Variants in DDRGK1 observed in about 807,000 individuals in gnomAD.
DDRGK1 encodes the protein DDRGK domain-containing protein 1.
DDRGK1 carries 38 observed loss-of-function variants against 45.8 expected under a neutral mutation model. That is an observed-to-expected ratio of 0.83 (90% CI 0.64 to 1.09). The LOEUF is 1.09. Among genes scored for constraint, DDRGK1 ranks in the 50% least tolerant of loss-of-function variants. The pLI is 0.00. For synonymous variants in DDRGK1, 171 were observed against 168.7 expected (o/e 1.01, Z -0.11); for missense variants, 403 against 419.9 (o/e 0.96, Z 0.35).
intron 3 of DDRGK1, 51 bp from the exon 4 acceptor site, chr20:3,200,153 G>T: frequency 6.3e-7 from 1 of 1,584,344 alleles, no homozygotes; most frequent in Non-Finnish European, 8.6e-7. Flanking sequence ...GCTAGAGTGT[G>T]CCCACCGCCC....
rs775023575 is a variant in DDRGK1, at chr20:3,190,395, A to C, written c.*258T>G. 4.3e-6 allele frequency: 2 copies of C among 469,756 alleles called. No individual in the cohort carries two copies. Among genetic ancestry groups the C allele is most frequent in the Admixed American group, 3.7e-5 (1 of 27,042 alleles). The allele number at this position is 469,756 out of a possible 1,614,324, so 29.1% of individuals were successfully genotyped here. ...TTCTTGAATGAATGGATTCATAATA[A>C]GAACAGGACTTCACCAGCTTCCAAG... On this transcript the variant is annotated 3_prime_UTR_variant, in exon 9 of 9. Coordinates refer to ENST00000354488, the MANE Select transcript of DDRGK1 (RefSeq NM_023935.3).
chr20:3,191,892 A>T, intron 6 of DDRGK1, 71 bp from the exon 7 acceptor site: 1 of 1,490,478 alleles, frequency 6.7e-7, no homozygotes, highest in Non-Finnish European at 9.1e-7. Context: ...GGCACCCTCC[A>T]GGTTTGCATT....
intron 4 of DDRGK1, among the ~76,000 whole-genome samples, chr20:3,199,716 T>C (rs559462120): frequency 1.3e-5 from 2 of 152,166 alleles, no homozygotes; most frequent in Non-Finnish European, 2.9e-5. Flanking sequence ...CATCTTCTCC[T>C]CCTCTCCTGG....
chr20:3,195,422 C>A, intron 4 of DDRGK1, 69 bp from the exon 5 acceptor site: 1 of 1,516,628 alleles, frequency 6.6e-7, no homozygotes, highest in Non-Finnish European at 8.8e-7. Flanking sequence ...CTGGTTGCTG[C>A]TACCCCTGCA....
chr20:3,195,182 G>A lies in DDRGK1; in HGVS notation c.633+49C>T, dbSNP rs1210396695. On this transcript the variant is annotated intron_variant, in intron 5 of 8. Coordinates refer to ENST00000354488, the MANE Select transcript of DDRGK1 (RefSeq NM_023935.3). ...GTGGCTAGCCTTGCGTCTGGCACAG[G>A]CTGCACTGATGGGTGCAGAGAGGGG... 11 of 1,613,020 alleles carry A rather than the reference G, an allele frequency of 6.8e-6. No individual in the cohort carries two copies. In the South Asian group the frequency reaches 9.9e-5, roughly 14 times the overall value.
Position 3,203,418 on chromosome 20 carries a change from T to G in DDRGK1, c.92-2A>C. ...CATTGTGCAGTGGCTCTTGGCCGGC[T>G]GTAGGGAAGACAGAAATGACAATGC... On this transcript the variant is annotated splice_acceptor_variant, in intron 1 of 8. Transcript: ENST00000354488. LOFTEE classifies it high-confidence loss of function. The G allele has an allele frequency of 6.4e-7, 1 of 1,553,090 alleles. No individual in the cohort carries two copies. Among genetic ancestry groups the G allele is most frequent in the South Asian group, 1.2e-5 (1 of 84,206 alleles).
chr20:3,195,120 C>A, intron 5 of DDRGK1, 111 bp downstream of exon 5: 1 of 1,562,172 alleles, frequency 6.4e-7, no homozygotes, highest in Non-Finnish European at 8.7e-7. Flanking sequence ...GATGCCCACC[C>A]ACCTCTCACT....
chr20:3,190,910 A>C, intron 8 of DDRGK1, 91 bp from the exon 9 acceptor site: 128 of 1,493,866 alleles, frequency 8.6e-5, no homozygotes, highest in Non-Finnish European at 9.8e-5. Context: ...CAGCTGGCTC[A>C]GGGCCCTTCC....
intron 4 of DDRGK1, among the ~76,000 whole-genome samples, chr20:3,199,313 C>T (rs2067025719): frequency 6.6e-6 from 1 of 152,136 alleles, no homozygotes; most frequent in African/African-American, 2.4e-5. Flanking sequence ...GTACATTAAG[C>T]GGGACCAATA....
chr20:3,203,640 T>A (rs1231176647), intron 1 of DDRGK1, among the ~76,000 whole-genome samples: 1 of 152,032 alleles, frequency 6.6e-6, no homozygotes, highest in African/African-American at 2.4e-5. Context: ...AATACTCCTC[T>A]CCCCTCCCGG....
chr20:3,204,482 C>G (rs2067056939), intron 1 of DDRGK1, 55 bp downstream of exon 1: 1 of 1,519,358 alleles, frequency 6.6e-7, no homozygotes, highest in Middle Eastern at 1.7e-4. Context: ...TCCACAAAGG[C>G]TCAGAAGGCC....
rs944437684 is a variant in DDRGK1, at chr20:3,200,056, C to T, written c.455G>A (p.Arg152His). Residue 152 changes from arginine to histidine, a missense_variant, in exon 4 of 9, where the codon CGC (arginine) becomes CAC (histidine). Arg to His is a conservative substitution (Grantham distance 29). Coordinates refer to ENST00000354488, the MANE Select transcript of DDRGK1 (RefSeq NM_023935.3). The stretch of plus-strand genomic sequence containing the variant: ...CTCCTCCTTCTTCCACTCAGCTTCG[C>T]GCTGGGACTCGAGTCGTTTCCGCTC... ...REERKRLESQ[R>H]EAEWKKEEER... The T allele has an allele frequency of 6.2e-6, 10 of 1,613,842 alleles. No homozygotes were observed. The highest frequency in any genetic ancestry group is 8.5e-6 in the Non-Finnish European group (10 of 1,180,014).
At chr20:3,197,319 A>G (rs757870684) in intron 4 of DDRGK1, among the ~76,000 whole-genome samples, 2 of 152,122 alleles carry the variant, frequency 1.3e-5, no homozygotes, top group Non-Finnish European at 2.9e-5. Context: ...TAATTTATGT[A>G]AGAACTCTAA....
Position 3,203,168 on chromosome 20 carries a change from C to T in DDRGK1, c.295+45G>A, listed in dbSNP as rs542805598. Reference sequence around the variant, plus strand: ...TAGCTTTGGGGGCCCTTTTATCCCCCCCTCCAACCCAAACCCTCTCCCCAC... The same window carrying T: ...TAGCTTTGGGGGCCCTTTTATCCCCTCCTCCAACCCAAACCCTCTCCCCAC... On this transcript the variant is annotated intron_variant, in intron 2 of 8. Coordinates refer to ENST00000354488, the MANE Select transcript of DDRGK1 (RefSeq NM_023935.3). 9.5e-6 allele frequency: 14 copies of T among 1,472,968 alleles called. No homozygotes were observed. In the East Asian group the frequency reaches 9.7e-5, roughly 10 times the overall value. The allele number at this position is 1,472,968 out of a possible 1,614,324, so 91.2% of individuals were successfully genotyped here.
chr20:3,195,173 C>A, intron 5 of DDRGK1, 58 bp downstream of exon 5: 1 of 1,610,802 alleles, frequency 6.2e-7, no homozygotes, highest in South Asian at 1.1e-5. Flanking sequence ...AGCCTTGCGT[C>A]TGGCACAGGC....
At chr20:3,198,367 G>T (rs2067020793) in intron 4 of DDRGK1, among the ~76,000 whole-genome samples, 1 of 142,232 alleles carries the variant, frequency 7.0e-6, no homozygotes, top group Non-Finnish European at 1.5e-5. Flanking sequence ...TCGTGCCACT[G>T]CACTCCAGCC....
Position 3,191,567 on chromosome 20 carries a change from T to G in DDRGK1, c.729+198A>C, listed in dbSNP as rs560128508. On this transcript the variant is annotated intron_variant, in intron 7 of 8. Transcript: ENST00000354488. ...GGCTGGCAGAGTGATGGGGTTTGGGTTTTTTTTTTCTTTCCTGCCTGTTCG... is the reference window on the plus strand; with the variant it reads ...GGCTGGCAGAGTGATGGGGTTTGGGGTTTTTTTTTCTTTCCTGCCTGTTCG... 8 of 756,464 alleles carry G rather than the reference T, an allele frequency of 1.1e-5. No homozygotes were observed. The East Asian group carries it at 1.1e-4, about 10-fold the overall frequency. 46.9% of individuals were successfully genotyped at this position (756,464 alleles called of 1,614,324 possible).
chr20:3,196,671 A>G (rs930969047), intron 4 of DDRGK1, among the ~76,000 whole-genome samples: 18 of 152,120 alleles, frequency 1.2e-4, no homozygotes, highest in Non-Finnish European at 2.2e-4. Flanking sequence ...ACAGAGCGAG[A>G]CTCCATCTCA....
chr20:3,198,532 C>T (rs932705005), intron 4 of DDRGK1, among the ~76,000 whole-genome samples: 6 of 150,254 alleles, frequency 4.0e-5, no homozygotes, highest in African/African-American at 1.5e-4. Flanking sequence ...GAAACCCCGT[C>T]TCTACTAAAA....
Sources: allele counts gnomAD v4.1 joint callset (sites outside exome capture counted in the v4.1 genomes callset), GRCh38; gene constraint gnomAD v4.1.1; transcripts MANE v1.5; gene names NCBI Gene and HGNC (gene_info 2026-07-23, HGNC 2026-07-21).